MCC: variants seen among roughly 807,000 people sequenced by gnomAD.
The protein encoded by MCC is colorectal mutant cancer protein.
In MCC, 90 loss-of-function variants were observed where a neutral mutation model predicts 116.2. That is an observed-to-expected ratio of 0.77 (90% CI 0.65 to 0.92). MCC has a LOEUF of 0.92. Among genes scored for constraint, MCC ranks in the 40% least tolerant of loss-of-function variants. The probability of loss-of-function intolerance (pLI) is 0.00; values close to 1 mark genes in which losing one functional copy is unlikely to be tolerated. For missense variants in MCC, 1,516 were observed against 1,312.2 expected, an observed-to-expected ratio of 1.16 and a Z score of -2.40; for synonymous variants, 578 against 510.5, an observed-to-expected ratio of 1.13 and a Z score of -1.78.
chr5:113,471,055 G>A (rs932025557), intron 1 of MCC, among the ~76,000 whole-genome samples: 26 of 152,200 alleles, frequency 1.7e-4, no homozygotes, highest in African/African-American at 2.6e-4. Flanking sequence ...ACTTCTCTGC[G>A]TTGGTTATTC....
At chr5:113,373,332 T>A (rs1416139583) in intron 2 of MCC, among the ~76,000 whole-genome samples, 1 of 152,144 alleles carries the variant, frequency 6.6e-6, no homozygotes, top group Admixed American at 6.6e-5. Flanking sequence ...AATATGTTTC[T>A]AAAATATTCT....
At chr5:113,256,520 T>A (rs1765011088) in intron 3 of MCC, among the ~76,000 whole-genome samples, 1 of 152,124 alleles carries the variant, frequency 6.6e-6, no homozygotes, top group Admixed American at 6.5e-5. Context: ...GAGGGAACAG[T>A]GTATGCAAAG....
At chr5:113,338,045 TG>T (rs1295812263) in intron 3 of MCC, among the ~76,000 whole-genome samples, 1 of 152,180 alleles carries the variant, frequency 6.6e-6, no homozygotes, top group Admixed American at 6.5e-5. Context: ...CAGGACAGGA[TG>T]AAGAACTGGG....
rs1581018223 is a variant in MCC, at chr5:113,083,124, T to A, written c.1636-116A>T. The A allele has an allele frequency of 4.3e-6, 4 of 939,094 alleles. No individual in the cohort carries two copies. The East Asian group carries it at 1.0e-4, about 24-fold the overall frequency. 58.2% of individuals were successfully genotyped at this position (939,094 alleles called of 1,614,324 possible). ...GAGAATCGGGGACTGGGAGGATGGT[T>A]ACCCTGAAGGTTCTCAGTTTGTAGG... is the stretch of plus-strand genomic sequence containing the variant. On this transcript the variant is annotated intron_variant, in intron 10 of 18. Transcript: ENST00000408903.
intron 3 of MCC, among the ~76,000 whole-genome samples, chr5:113,250,528 T>C (rs923693048): frequency 2.6e-5 from 4 of 151,648 alleles, no homozygotes; most frequent in African/African-American, 7.3e-5. Flanking sequence ...CACAGAGACA[T>C]GTGCCTTTAT....
chr5:113,115,676 T>A (rs1398647430), intron 6 of MCC, among the ~76,000 whole-genome samples: 1 of 151,960 alleles, frequency 6.6e-6, no homozygotes, highest in Admixed American at 6.6e-5. Context: ...AAAAGTTCCG[T>A]CAGTGGTTTC....
At chr5:113,074,153 T>A (rs1323566496) in intron 11 of MCC, among the ~76,000 whole-genome samples, 2 of 152,208 alleles carry the variant, frequency 1.3e-5, no homozygotes, top group East Asian at 1.9e-4. Context: ...TGACACCTCA[T>A]ACAGCTGGGT....
chr5:113,140,398 C>T (rs1759108071), intron 5 of MCC, among the ~76,000 whole-genome samples: 1 of 152,120 alleles, frequency 6.6e-6, no homozygotes, highest in Admixed American at 6.5e-5. Context: ...CCCAAATGTC[C>T]CTGTTCAAAT....
intron 3 of MCC, among the ~76,000 whole-genome samples, chr5:113,152,365 G>A (rs532789063): frequency 4.1e-4 from 62 of 152,220 alleles, no homozygotes; most frequent in African/African-American, 1.4e-3. Context: ...ACCCTGAAAC[G>A]TCCTTTGAAA....
chr5:113,341,102 A>G (rs1462420168), intron 2 of MCC, among the ~76,000 whole-genome samples: 1 of 152,216 alleles, frequency 6.6e-6, no homozygotes, highest in Non-Finnish European at 1.5e-5. Context: ...CAACTGAGGA[A>G]AAAGGAAGCA....
Position 113,435,078 on chromosome 5 carries a change from CACTTGG to C in MCC, c.171-49872_171-49867del. 4 of 498,756 alleles carry C rather than the reference CACTTGG, an allele frequency of 8.0e-6. No homozygotes were observed. In the East Asian group the frequency reaches 1.2e-4, roughly 15 times the overall value. 30.9% of individuals were successfully genotyped at this position (498,756 alleles called of 1,614,324 possible). ...GGGGGAATGAGACCCTGGCCTGAGG[CACTTGG>C]ACTTGGAATCCTGGAAGGCTGGCCA... is the stretch of plus-strand genomic sequence containing the variant. On this transcript the variant is annotated intron_variant, in intron 1 of 18. Transcript: ENST00000408903.
At chr5:113,196,515 T>C (rs1762416933) in intron 3 of MCC, among the ~76,000 whole-genome samples, 1 of 152,186 alleles carries the variant, frequency 6.6e-6, no homozygotes. Context: ...GATTTTTAAG[T>C]GAAATATTTT....
At chr5:113,102,966 TA>T (rs1756514770) in intron 7 of MCC, among the ~76,000 whole-genome samples, 1 of 151,966 alleles carries the variant, frequency 6.6e-6, no homozygotes, top group African/African-American at 2.4e-5. Flanking sequence ...ATACAAAATT[TA>T]GCCGGGCGTG....
intron 17 of MCC, among the ~76,000 whole-genome samples, chr5:113,040,452 T>C (rs146669185): frequency 7.5e-4 from 114 of 152,316 alleles, no homozygotes; most frequent in African/African-American, 2.1e-3. Context: ...CCTACAGTTT[T>C]GGTGTCTGGC....
intron 3 of MCC, among the ~76,000 whole-genome samples, chr5:113,251,245 AG>A (rs1172515329): frequency 6.6e-6 from 1 of 152,236 alleles, no homozygotes; most frequent in Non-Finnish European, 1.5e-5. Context: ...CCAAGCCAAA[AG>A]GTATTTTCTT....
intron 13 of MCC, among the ~76,000 whole-genome samples, chr5:113,067,428 T>G (rs1753699784): frequency 6.6e-6 from 1 of 152,132 alleles, no homozygotes; most frequent in Admixed American, 6.5e-5. Context: ...TCACCTGAGG[T>G]CAGGAGTTCA....
Position 113,071,221 on chromosome 5 carries a change from G to C in MCC, c.1798C>G (p.Leu600Val). The C allele has an allele frequency of 1.2e-6, 2 of 1,613,964 alleles. No individual in the cohort carries two copies. The highest frequency in any genetic ancestry group is 1.7e-6 in the Non-Finnish European group (2 of 1,179,986). Reference protein sequence around the residue: ...TERLNSRIEHLKSQNDLLTIT... With the variant: ...TERLNSRIEHVKSQNDLLTIT... Reference sequence around the variant, plus strand: ...GTCAGGAGGTCATTTTGGGATTTGAGGTGCTCAATCCGGCTACAAAGGAAC... The same window carrying C: ...GTCAGGAGGTCATTTTGGGATTTGACGTGCTCAATCCGGCTACAAAGGAAC... The change falls in exon 12 of 19, where the codon CTC becomes GTC. Residue 600 changes from leucine (L) to valine (V), a missense_variant. Transcript: ENST00000408903.
Position 113,252,255 on chromosome 5 carries a change from A to G in MCC, c.627+88264T>C, listed in dbSNP as rs376689502. Among the ~76,000 whole-genome samples, 27 of 152,200 alleles carry G rather than the reference A, an allele frequency of 1.8e-4. 4 individuals carry two copies. Among genetic ancestry groups the G allele is most frequent in the Admixed American group, 7.2e-4 (11 of 15,292 alleles). On this transcript the variant is annotated intron_variant, in intron 3 of 18. Coordinates refer to ENST00000408903, the MANE Select transcript of MCC (RefSeq NM_001085377.2). ...GGGTCCCCAGCCCCCGGGCCCACAG[A>G]TCTGGTACGAGGCCGCAAAGCAGGA...
At chr5:113,234,644 A>AT (rs1458063058) in intron 3 of MCC, 1 of 152,224 alleles carries the variant, frequency 6.6e-6, no homozygotes, top group African/African-American at 2.4e-5. Context: ...AAAACAGAGA[A>AT]TATCTGTTGA....
Sources: allele counts gnomAD v4.1 joint callset (sites outside exome capture counted in the v4.1 genomes callset), GRCh38; gene constraint gnomAD v4.1.1; transcripts MANE v1.5; gene names NCBI Gene and HGNC (gene_info 2026-07-23, HGNC 2026-07-21).